The following DAPK1 variants were observed in gnomAD, a reference collection of about 807,000 sequenced individuals.
DAPK1 encodes the protein death associated protein kinase 1.
Under a neutral mutation model 144.9 loss-of-function variants are expected in DAPK1, and 56 were observed. The observed-to-expected ratio is 0.39, with a 90% CI of 0.31 to 0.48. The LOEUF (loss-of-function observed/expected upper bound fraction) is 0.48. Ranked by LOEUF, DAPK1 falls within the 20% of genes least tolerant of loss-of-function variation. The pLI, the probability that DAPK1 is intolerant of heterozygous loss-of-function variation, is 0.95. For missense variants in DAPK1, 1,454 were observed against 1,875.4 expected, an observed-to-expected ratio of 0.78 and a Z score of 4.15; for synonymous variants, 690 against 749.0, an observed-to-expected ratio of 0.92 and a Z score of 1.29.
chr9:87,688,863 G>A (rs1233843977), intron 21 of DAPK1, among the ~76,000 whole-genome samples: 1 of 152,080 alleles, frequency 6.6e-6, no homozygotes, highest in Non-Finnish European at 1.5e-5. Context: ...CATAGTTTGT[G>A]AATATTTCCT....
At chr9:87,617,773 G>A (rs984592023) in intron 3 of DAPK1, among the ~76,000 whole-genome samples, 2 of 152,064 alleles carry the variant, frequency 1.3e-5, no homozygotes, top group African/African-American at 4.8e-5. Flanking sequence ...CCTCCAAGAC[G>A]GGTCTCCCCA....
intron 10 of DAPK1, 116 bp from the exon 11 acceptor site, chr9:87,643,260 G>A (rs953464369): frequency 2.6e-5 from 16 of 614,986 alleles, no homozygotes; most frequent in African/African-American, 9.3e-5. Flanking sequence ...ACACGATCTC[G>A]CAGGCTTTGT....
At chr9:87,586,932 C>T (rs2118859463) in intron 2 of DAPK1, among the ~76,000 whole-genome samples, 1 of 152,310 alleles carries the variant, frequency 6.6e-6, no homozygotes, top group Middle Eastern at 3.4e-3. Context: ...ACTTGGAATT[C>T]CAAGGACCAA....
At chr9:87,526,281 C>G (rs1282087421) in intron 2 of DAPK1, among the ~76,000 whole-genome samples, 1 of 152,176 alleles carries the variant, frequency 6.6e-6, no homozygotes, top group Non-Finnish European at 1.5e-5. Context: ...TATAATAGTT[C>G]ATAATCCCCT....
intron 2 of DAPK1, among the ~76,000 whole-genome samples, chr9:87,539,625 C>T (rs1352737658): frequency 6.6e-6 from 1 of 151,904 alleles, no homozygotes; most frequent in African/African-American, 2.4e-5. Flanking sequence ...ACCGTGTTGG[C>T]CAGGCTGGTC....
At chr9:87,600,871 G>A (rs1828491368) in intron 2 of DAPK1, among the ~76,000 whole-genome samples, 1 of 152,226 alleles carries the variant, frequency 6.6e-6, no homozygotes, top group South Asian at 2.1e-4. Context: ...CCCCCAGCGT[G>A]GTTGTGGCAG....
chr9:87,538,429 T>G (rs1483445359), intron 2 of DAPK1, among the ~76,000 whole-genome samples: 1 of 151,534 alleles, frequency 6.6e-6, no homozygotes, highest in Admixed American at 6.6e-5. Context: ...TTTTGGTTTA[T>G]TTTGCAGATC....
chr9:87,703,117 C>T lies in DAPK1; in HGVS notation c.2960C>T (p.Ser987Leu), dbSNP rs1275318196. Residue 987 changes from serine to leucine, a missense_variant, in exon 25 of 26, where the codon TCG becomes TTG. Transcript: ENST00000408954. ...RKLNGPNQLMSLQQFVYDVQD... is the reference protein window; with the variant it reads ...RKLNGPNQLMLLQQFVYDVQD... ...CTCAATGGACCCAACCAGCTGATGT[C>T]GCTGCAGCAGTTTGTGTACGACGTG... The T allele has an allele frequency of 5.0e-6, 8 of 1,602,978 alleles. No individual in the cohort carries two copies. Among genetic ancestry groups the T allele is most frequent in the Non-Finnish European group, 3.4e-6 (4 of 1,169,860 alleles).
At position 87,578,571 on chromosome 9, in the gene DAPK1, A is replaced by G. The variant is rs146966580; in HGVS notation, c.63-26383A>G. On this transcript the variant is annotated intron_variant, in intron 2 of 25. Coordinates refer to ENST00000408954, the MANE Select transcript of DAPK1 (RefSeq NM_004938.4). Reference sequence around the variant, plus strand: ...GTTACATGGAGCTAAATTTGTTTCCAGAAGGGTTGTGTTGTCTTTACTCCC... The same window carrying G: ...GTTACATGGAGCTAAATTTGTTTCCGGAAGGGTTGTGTTGTCTTTACTCCC... 8.1e-3 allele frequency among the ~76,000 whole-genome samples: 1,239 copies of G among 152,376 alleles called. 23 individuals are homozygous for G. The highest frequency in any genetic ancestry group is 0.028 in the African/African-American group (1,183 of 41,584).
At chr9:87,542,501 A>AT (rs1199130022) in intron 2 of DAPK1, among the ~76,000 whole-genome samples, 1 of 152,192 alleles carries the variant, frequency 6.6e-6, no homozygotes, top group Non-Finnish European at 1.5e-5. Flanking sequence ...TCCTTACCTT[A>AT]CCAGAGCTGT....
At position 87,639,835 on chromosome 9, in the gene DAPK1, A is replaced by C. The variant is rs1304796871; in HGVS notation, c.629+20A>C. On this transcript the variant is annotated intron_variant, in intron 7 of 25. Transcript: ENST00000408954. ...TATCCTGTAAGTATCAGAATTCACA[A>C]CTCATACTCTCTTCTCTTCTATGAG... The C allele has an allele frequency of 6.2e-7, 1 of 1,611,986 alleles. No individual in the cohort carries two copies. Among genetic ancestry groups the C allele is most frequent in the East Asian group, 2.2e-5 (1 of 44,842 alleles).
At chr9:87,620,219 C>T (rs1042319984) in intron 3 of DAPK1, among the ~76,000 whole-genome samples, 3 of 152,160 alleles carry the variant, frequency 2.0e-5, no homozygotes, top group Non-Finnish European at 4.4e-5. Flanking sequence ...ATTCCCTCTC[C>T]TCTCAGGGCC....
intron 24 of DAPK1, among the ~76,000 whole-genome samples, chr9:87,701,408 C>T (rs1418009655): frequency 2.6e-5 from 4 of 151,768 alleles, no homozygotes; most frequent in African/African-American, 7.3e-5. Flanking sequence ...GATCTAAAAC[C>T]CTAGAAATTT....
chr9:87,547,977 C>A (rs1826323312), intron 2 of DAPK1, among the ~76,000 whole-genome samples: 1 of 152,174 alleles, frequency 6.6e-6, no homozygotes, highest in Non-Finnish European at 1.5e-5. Context: ...CCTACCTCAC[C>A]CAGCTGGTGG....
intron 15 of DAPK1, 58 bp downstream of exon 15, chr9:87,648,937 C>T: frequency 7.0e-7 from 1 of 1,420,742 alleles, no homozygotes; most frequent in Non-Finnish European, 1.0e-6. Flanking sequence ...TACAGGCAGC[C>T]AGATGGTACA....
chr9:87,563,283 A>T (rs1453378545), intron 2 of DAPK1, among the ~76,000 whole-genome samples: 1 of 152,272 alleles, frequency 6.6e-6, no homozygotes, highest in Non-Finnish European at 1.5e-5. Flanking sequence ...GAGGAAGAAT[A>T]TGGGAGTAGC....
In DAPK1 at chr9:87,675,950, G is replaced by A. The variant is rs1004654623; in HGVS notation, c.2002-5454G>A. Among the ~76,000 whole-genome samples, 8 of 148,978 alleles carry A rather than the reference G, an allele frequency of 5.4e-5. No homozygotes were observed. In the East Asian group the frequency reaches 5.9e-4, roughly 11 times the overall value. On this transcript the variant is annotated intron_variant, in intron 19 of 25. Coordinates refer to ENST00000408954, the MANE Select transcript of DAPK1 (RefSeq NM_004938.4). Reference sequence around the variant, plus strand: ...CAGAATTCTGCGCTCCTTGGAGTTCGGTTCTGCCTCCTCCTCTCCCCAGCC... The same window carrying A: ...CAGAATTCTGCGCTCCTTGGAGTTCAGTTCTGCCTCCTCCTCTCCCCAGCC...
At chr9:87,605,886 T>TGGCGAGAGAGGACAGGAAGCCAGCTTG in intron 3 of DAPK1, among the ~76,000 whole-genome samples, 1 of 152,286 alleles carries the variant, frequency 6.6e-6, no homozygotes, top group East Asian at 1.9e-4. Context: ...CAGCACATGC[T>TGGCGAGAGAGGACAGGAAGCCAGCTTG]GGCGAGAGAG....
intron 13 of DAPK1, among the ~76,000 whole-genome samples, 187 bp downstream of exon 13, chr9:87,646,746 A>G (rs1830280075): frequency 6.6e-6 from 1 of 152,178 alleles, no homozygotes; most frequent in South Asian, 2.1e-4. Flanking sequence ...AACATTTATC[A>G]TTTATCCTCC....
Sources: allele counts gnomAD v4.1 joint callset (sites outside exome capture counted in the v4.1 genomes callset), GRCh38; gene constraint gnomAD v4.1.1; transcripts MANE v1.5; gene names NCBI Gene and HGNC (gene_info 2026-07-23, HGNC 2026-07-21).